Variants in PAM observed in about 807,000 individuals in gnomAD.
PAM encodes the protein peptidylglycine alpha-amidating monooxygenase, also known as peptidyl-glycine alpha-amidating monooxygenase.
In PAM, 72 loss-of-function variants were observed where a neutral mutation model predicts 122.1. The ratio of observed to expected loss-of-function variants is 0.59; its 90% confidence interval spans 0.49 to 0.72. The LOEUF (loss-of-function observed/expected upper bound fraction) is 0.72. Among genes scored for constraint, PAM ranks in the 30% least tolerant of loss-of-function variants. The pLI, the probability that PAM is intolerant of heterozygous loss-of-function variation, is 0.00. For synonymous variants in PAM, 389 were observed against 404.4 expected, an observed-to-expected ratio of 0.96 and a Z score of 0.46; for missense variants, 1,106 against 1,183.7, an observed-to-expected ratio of 0.93 and a Z score of 0.96.
At chr5:102,755,563 C>G (rs1749922396) in intron 1 of PAM, 1 of 152,322 alleles carries the variant, frequency 6.6e-6, no homozygotes, top group Admixed American at 6.5e-5. Flanking sequence ...GGGGACTGAG[C>G]TATTCTCGCA....
intron 15 of PAM, among the ~76,000 whole-genome samples, chr5:102,987,143 A>G (rs1453788834): frequency 1.3e-5 from 2 of 152,196 alleles, no homozygotes; most frequent in African/African-American, 4.8e-5. Flanking sequence ...TATGGAATCA[A>G]CCTAAGAATA....
At position 102,950,416 on chromosome 5, in the gene PAM, G is replaced by GGTGTGTGTGTGTGT. The variant is rs1554134180; in HGVS notation, c.802-290_802-277dup. On this transcript the variant is annotated intron_variant, in intron 11 of 25. Transcript: ENST00000438793. ...CAGTGATTATTTGTGTATGTGGGTG[G>GGTGTGTGTGTGTGT]GTGTGTGTGTGTGTGTGTGTGTGTC... Among the ~76,000 whole-genome samples, 291 of 146,042 alleles carry GGTGTGTGTGTGTGT rather than the reference G, an allele frequency of 2.0e-3. 1 individual carries two copies. The highest frequency in any genetic ancestry group is 7.0e-3 in the African/African-American group (274 of 39,004).
At chr5:102,929,393 ATAT>A (rs1193261807) in intron 7 of PAM, among the ~76,000 whole-genome samples, 1 of 152,214 alleles carries the variant, frequency 6.6e-6, no homozygotes, top group African/African-American at 2.4e-5. Context: ...TGTTATGTAC[ATAT>A]TATATATATA....
chr5:103,007,704 A>G (rs1465017253), intron 20 of PAM, 47 bp downstream of exon 20: 3 of 1,201,110 alleles, frequency 2.5e-6, no homozygotes, highest in Non-Finnish European at 3.7e-6. Context: ...ACTGTACTCT[A>G]TCCTTAAAAA....
chr5:102,867,854 T>C (rs1046679785), intron 3 of PAM, among the ~76,000 whole-genome samples: 2 of 152,222 alleles, frequency 1.3e-5, no homozygotes, highest in Non-Finnish European at 2.9e-5. Context: ...CATTCCACTC[T>C]TTTAAAAGTT....
intron 1 of PAM, among the ~76,000 whole-genome samples, chr5:102,821,630 C>T (rs193077390): frequency 3.9e-4 from 60 of 152,236 alleles, no homozygotes; most frequent in South Asian, 1.0e-3. Flanking sequence ...AGACACTTTT[C>T]TAAGCACCTT....
rs182725770 is a variant in PAM at position 103,017,697 on chromosome 5, C to A, written c.2431+264C>A. 2.0e-5 allele frequency among the ~76,000 whole-genome samples: 3 copies of A among 152,282 alleles called. No homozygotes were observed. The East Asian group carries it at 5.8e-4, about 29-fold the overall frequency. ...CATTAAAAGTCAACATTAATTCCAG[C>A]TTAGTTCCAGAAGGAGAGAGGGGGC... On this transcript the variant is annotated intron_variant, in intron 22 of 25. Transcript: ENST00000438793.
chr5:102,914,096 T>C lies in PAM; in HGVS notation c.356+75T>C. On this transcript the variant is annotated intron_variant, in intron 5 of 25. Transcript: ENST00000438793. ...CAAGTGCAAAGTGTATCTGTGCAAGTATTTTACAACTAGTTAATAAATAGG... is the reference window on the plus strand; with the variant it reads ...CAAGTGCAAAGTGTATCTGTGCAAGCATTTTACAACTAGTTAATAAATAGG... 7.7e-6 allele frequency: 6 copies of C among 781,358 alleles called. No individual in the cohort carries two copies. In the South Asian group the frequency reaches 8.7e-5, roughly 11 times the overall value. The allele number at this position is 781,358 out of a possible 1,614,324, so 48.4% of individuals were successfully genotyped here. A position where few individuals can be genotyped will look rare whatever the true frequency, so the allele number is the denominator to read the frequency against.
chr5:102,779,898 T>C (rs1405768140), intron 1 of PAM, among the ~76,000 whole-genome samples: 1 of 99,454 alleles, frequency 1.0e-5, no homozygotes, highest in African/African-American at 4.6e-5. Context: ...TATATATATA[T>C]ATATATATAT....
intron 15 of PAM, among the ~76,000 whole-genome samples, chr5:102,977,696 AC>A: frequency 7.1e-6 from 1 of 140,244 alleles, no homozygotes; most frequent in East Asian, 2.2e-4. Context: ...ACACACACAC[AC>A]ACAAAATACA....
chr5:102,990,406 G>A lies in PAM; in HGVS notation c.1613+5G>A, dbSNP rs770225180. ...TGACCATGTCTGGGATGGAAAGTAA[G>A]TAATATTTTTTCTTCAATAAGCAAA... On this transcript the variant is annotated splice_donor_5th_base_variant and intron_variant, in intron 16 of 25. Coordinates refer to ENST00000438793, the MANE Select transcript of PAM (RefSeq NM_001177306.2). 2 of 1,568,582 alleles carry A rather than the reference G, an allele frequency of 1.3e-6. No homozygotes were observed. Among genetic ancestry groups the A allele is most frequent in the Admixed American group, 1.8e-5 (1 of 54,754 alleles).
intron 1 of PAM, among the ~76,000 whole-genome samples, chr5:102,844,992 T>C (rs1286755996): frequency 6.6e-6 from 1 of 152,214 alleles, no homozygotes; most frequent in East Asian, 1.9e-4. Flanking sequence ...ACCTGTGTTA[T>C]CCAAAATATC....
At chr5:102,864,275 C>T (rs938432868) in intron 1 of PAM, among the ~76,000 whole-genome samples, 6 of 150,564 alleles carry the variant, frequency 4.0e-5, no homozygotes, top group Non-Finnish European at 8.8e-5. Context: ...ATAGCATAGC[C>T]TTCCTGCCAA....
At chr5:102,966,714 G>T (rs1228872091) in intron 14 of PAM, among the ~76,000 whole-genome samples, 6 of 152,122 alleles carry the variant, frequency 3.9e-5, no homozygotes, top group Admixed American at 3.9e-4. Flanking sequence ...TCATTAATCA[G>T]TTATGTTCCA....
At chr5:102,927,155 G>A (rs1554122403) in intron 7 of PAM, among the ~76,000 whole-genome samples, 1 of 152,024 alleles carries the variant, frequency 6.6e-6, no homozygotes, top group Non-Finnish European at 1.5e-5. Flanking sequence ...GTCCACTGCT[G>A]TAAGGCACAG....
chr5:103,010,484 C>G (rs934452824), intron 21 of PAM, among the ~76,000 whole-genome samples: 8 of 152,188 alleles, frequency 5.3e-5, no homozygotes, highest in African/African-American at 1.9e-4. Context: ...TCTCAGTGTA[C>G]TTACTCTGCA....
intron 1 of PAM, among the ~76,000 whole-genome samples, chr5:102,758,486 A>G (rs1751320803): frequency 6.6e-6 from 1 of 152,170 alleles, no homozygotes; most frequent in Non-Finnish European, 1.5e-5. Flanking sequence ...GTGTATAAGA[A>G]CTTTCTTTAC....
intron 1 of PAM, among the ~76,000 whole-genome samples, chr5:102,773,214 A>C (rs1756276073): frequency 6.6e-6 from 1 of 152,152 alleles, no homozygotes; most frequent in Admixed American, 6.6e-5. Flanking sequence ...TTGTTGTAAT[A>C]AACTAAAAGT....
chr5:102,834,684 A>G (rs537504020), intron 1 of PAM, among the ~76,000 whole-genome samples: 1 of 152,304 alleles, frequency 6.6e-6, no homozygotes, highest in Admixed American at 6.5e-5. Context: ...CAGAGGAAAC[A>G]GCAAGTGCAA....
Sources: gnomAD v4.1 joint callset for allele counts (sites outside exome capture counted in the v4.1 genomes callset) on GRCh38, gnomAD v4.1.1 for gene constraint, MANE v1.5 for transcripts, NCBI Gene and HGNC (gene_info 2026-07-23, HGNC 2026-07-21) for gene names.